ZZEF1: variants seen among roughly 807,000 people sequenced by gnomAD.
ZZEF1 encodes the protein zinc finger ZZ-type and EF-hand domain containing 1, also known as zinc finger ZZ-type and EF-hand domain-containing protein 1.
ZZEF1 carries 157 observed loss-of-function variants against 342.8 expected under a neutral mutation model. The ratio of observed to expected loss-of-function variants is 0.46; its 90% CI spans 0.40 to 0.52. The LOEUF is 0.52. ZZEF1 is among the 20% of genes least tolerant of loss of function. ZZEF1 has a pLI of 0.00. For synonymous variants in ZZEF1, 1,505 were observed against 1,429.1 expected (o/e 1.05, Z -1.20); for missense variants, 3,480 against 3,725.6 (o/e 0.93, Z 1.72).
In ZZEF1 at chr17:4,022,822, C is replaced by T. The variant is rs781625197; in HGVS notation, c.7099G>A (p.Gly2367Ser). 4.3e-6 allele frequency: 7 copies of T among 1,613,516 alleles called. No homozygotes were observed. The Admixed American group carries it at 5.0e-5, about 12-fold the overall frequency. The stretch of plus-strand genomic sequence containing the variant: ...AAAGTAGCACGGATCTCCTCAAAAC[C>T]GTGAGCCTGCCAAGCAGAAGAAGAA... The part of the protein sequence containing the change: ...KGLYKTLKAH[G>S]FEEIRATFLQ... Residue 2367 changes from glycine to serine, a missense_variant, in exon 44 of 55, where the codon GGT becomes AGT. Physicochemically the swap from Gly to Ser is moderately conservative, Grantham distance 56. Transcript: ENST00000381638.
At chr17:4,082,369 G>T (rs1427542969) in intron 17 of ZZEF1, 68 bp downstream of exon 17, 2 of 1,510,462 alleles carry the variant, frequency 1.3e-6, no homozygotes, top group Non-Finnish European at 1.8e-6. Flanking sequence ...GAAAGGAAGG[G>T]CAAGCTCAAG....
At chr17:4,093,111 G>A (rs2057974648) in intron 11 of ZZEF1, among the ~76,000 whole-genome samples, 2 of 151,814 alleles carry the variant, frequency 1.3e-5, no homozygotes, top group Admixed American at 1.3e-4. Flanking sequence ...AGGGAGTGGT[G>A]AATAGGCCTC....
chr17:4,140,869 T>C (rs1288462945), intron 1 of ZZEF1, among the ~76,000 whole-genome samples: 1 of 150,298 alleles, frequency 6.7e-6, no homozygotes, highest in Non-Finnish European at 1.5e-5. Flanking sequence ...TGTGTATTCC[T>C]GGGGGGAAAA....
chr17:4,142,686 C>G lies in ZZEF1; in HGVS notation c.210G>C (p.Glu70Asp), dbSNP rs2058883922. The G allele has an allele frequency of 6.2e-7, 1 of 1,606,576 alleles. No individual in the cohort carries two copies. Among genetic ancestry groups the G allele is most frequent in the East Asian group, 2.2e-5 (1 of 44,836 alleles). Residue 70 changes from glutamate to aspartate, a missense_variant, in exon 1 of 55, where the codon GAG (glutamate) becomes GAC (aspartate). By Grantham distance (45) the Glu-to-Asp change is conservative. Transcript: ENST00000381638. The stretch of plus-strand genomic sequence containing the variant: ...CGCCGCGATGCCTCGACACCAGCGA[C>G]TCGCAGGGGGGTGTGGGCAGCAACG... ...AAALLPTPPC[E>D]SLVSRHRGAL...
Position 4,109,640 on chromosome 17 carries a change from G to A in ZZEF1, c.1277+13C>T. The A allele has an allele frequency of 1.2e-6, 2 of 1,613,786 alleles. No homozygotes were observed. Among genetic ancestry groups the A allele is most frequent in the East Asian group, 2.2e-5 (1 of 44,884 alleles). ...CATGTTGAGGGGGCTGGAACATAGA[G>A]AGAATGACTTACTGAGTATTGTGCA... On this transcript the variant is annotated intron_variant, in intron 6 of 54. Transcript: ENST00000381638.
rs754401691 is a variant in ZZEF1, at chr17:4,014,490, A to G, written c.8171T>C (p.Ile2724Thr). ...FEDKVHIPGAIYLSIKFDSQC... is the reference protein window; with the variant it reads ...FEDKVHIPGATYLSIKFDSQC... Reference sequence around the variant, plus strand: ...AGAGTCGAATTTGATTGAGAGGTAGATGGCACCAGGAATGTGAACTTTATC... The same window carrying G: ...AGAGTCGAATTTGATTGAGAGGTAGGTGGCACCAGGAATGTGAACTTTATC... The change falls in exon 50 of 55, where the codon ATC (isoleucine) becomes ACC (threonine). Residue 2724 changes from isoleucine to threonine, a missense_variant. Ile to Thr is a moderately conservative substitution (Grantham distance 89). Transcript: ENST00000381638. The surrounding 1 kb of genome is among the most constrained non-coding windows in gnomAD (Gnocchi z 4.4). 1 of 1,614,194 alleles carries G rather than the reference A, an allele frequency of 6.2e-7. No homozygotes were observed. The highest frequency in any genetic ancestry group is 1.7e-5 in the Admixed American group (1 of 60,014).
intron 26 of ZZEF1, 83 bp from the exon 27 acceptor site, chr17:4,067,325 G>C: frequency 8.9e-7 from 1 of 1,122,458 alleles, no homozygotes. Context: ...ATCTAAATCT[G>C]CTGAAGTACA....
At chr17:4,022,521 C>G in intron 44 of ZZEF1, 188 bp downstream of exon 44, 1 of 678,810 alleles carries the variant, frequency 1.5e-6, no homozygotes, top group Non-Finnish European at 2.4e-6. Context: ...ATTCATTTTC[C>G]CTGACAGGGG....
chr17:4,009,037 C>A, intron 53 of ZZEF1, 83 bp from the exon 54 acceptor site: 1 of 1,477,898 alleles, frequency 6.8e-7, no homozygotes, highest in South Asian at 1.2e-5. Context: ...CACCTGCTTG[C>A]GAAAGCAGAA....
At chr17:4,124,387 A>G (rs11651317) in intron 1 of ZZEF1, among the ~76,000 whole-genome samples, 139,418 of 152,268 alleles carry the variant, frequency 0.92, 65,119 homozygotes, top group East Asian at 1. Context: ...AACTGGTTGC[A>G]AAGTGCCAGA....
At chr17:4,056,776 C>T (rs2057170197) in intron 32 of ZZEF1, 1 of 152,164 alleles carries the variant, frequency 6.6e-6, no homozygotes, top group South Asian at 2.1e-4. Flanking sequence ...TTCAGCTCTA[C>T]CACCAGCTGC....
intron 18 of ZZEF1, among the ~76,000 whole-genome samples, chr17:4,080,108 G>C (rs923060861): frequency 6.6e-6 from 1 of 152,118 alleles, no homozygotes; most frequent in Non-Finnish European, 1.5e-5. Flanking sequence ...CCTATCCCTA[G>C]AGATCTTGAA....
In ZZEF1 at chr17:4,006,804, T is replaced by C. The variant is rs1597740760; in HGVS notation, c.*86A>G. The stretch of plus-strand genomic sequence containing the variant: ...CTCAAGGAGAGCTGGGCACTGGCGC[T>C]ACAGGAGTTTTCCTGAATGAGGTTA... On this transcript the variant is annotated 3_prime_UTR_variant, in exon 55 of 55. Transcript: ENST00000381638. 2 of 1,421,102 alleles carry C rather than the reference T, an allele frequency of 1.4e-6. No homozygotes were observed. Among genetic ancestry groups the C allele is most frequent in the East Asian group, 5.0e-5 (2 of 40,328 alleles). The allele number at this position is 1,421,102 out of a possible 1,614,324, so 88.0% of individuals were successfully genotyped here. A position where few individuals can be genotyped will look rare whatever the true frequency, so the allele number is the denominator to read the frequency against.
intron 2 of ZZEF1, among the ~76,000 whole-genome samples, chr17:4,120,373 T>A (rs12452569): frequency 0.17 from 25,217 of 149,306 alleles, 2,142 homozygotes; most frequent in East Asian, 0.18. Context: ...AAAAAAAAAA[T>A]GTTCCTTTAG....
At chr17:4,080,893 G>A (rs951043506) in intron 18 of ZZEF1, among the ~76,000 whole-genome samples, 12 of 152,146 alleles carry the variant, frequency 7.9e-5, no homozygotes, top group African/African-American at 2.2e-4. Context: ...TCACTCGTTT[G>A]CAAGGGCTGG....
Position 4,064,639 on chromosome 17 carries a change from T to C in ZZEF1, c.4440A>G (p.Ala1480=), listed in dbSNP as rs1262068353. 6 of 1,613,982 alleles carry C rather than the reference T, an allele frequency of 3.7e-6. No homozygotes were observed. The East Asian group carries it at 1.1e-4, about 30-fold the overall frequency. ...FQASVSPTEA[A]PPATGDQSPG... ...GACTCTGGTCTCCTGTGGCAGGGGG[T>C]GCGGCTTCAGTGGGAGATACTGAGG... is the stretch of plus-strand genomic sequence containing the variant. Residue 1480 remains alanine, a synonymous_variant, in exon 29 of 55, where the codon GCA becomes GCG. Transcript: ENST00000381638.
intron 42 of ZZEF1, among the ~76,000 whole-genome samples, chr17:4,029,630 C>T (rs2056493270): frequency 6.6e-6 from 1 of 152,094 alleles, no homozygotes; most frequent in African/African-American, 2.4e-5. Context: ...AATCCCAGCA[C>T]TTTGGAAGGC....
Position 4,017,158 on chromosome 17 carries a change from G to T in ZZEF1, c.8001+213C>A. ...GGGAAGATGGCGACAAAGCTTTCTG[G>T]TTCAGCTGGAAATCGCGCTCAGGGC... is the stretch of plus-strand genomic sequence containing the variant. On this transcript the variant is annotated intron_variant, in intron 48 of 54. Coordinates refer to ENST00000381638, the MANE Select transcript of ZZEF1 (RefSeq NM_015113.4). This position sits in a 1 kb window ranked among gnomAD's most constrained non-coding sequence, Gnocchi z 5.1. 1.7e-6 allele frequency: 1 copy of T among 603,380 alleles called. No homozygotes were observed. The allele number at this position is 603,380 out of a possible 1,614,324, so 37.4% of individuals were successfully genotyped here. A position where few individuals can be genotyped will look rare whatever the true frequency, so the allele number is the denominator to read the frequency against.
chr17:4,036,286 T>G (rs1238202872), intron 39 of ZZEF1, among the ~76,000 whole-genome samples: 1 of 152,264 alleles, frequency 6.6e-6, no homozygotes, highest in East Asian at 1.9e-4. Flanking sequence ...CATGTGTGTG[T>G]GGGGTAAGTG....
Sources: allele counts gnomAD v4.1 joint callset (sites outside exome capture counted in the v4.1 genomes callset), GRCh38; gene constraint gnomAD v4.1.1; non-coding constraint Gnocchi (gnomAD v3.1); transcripts MANE v1.5; gene names NCBI Gene and HGNC (gene_info 2026-07-23, HGNC 2026-07-21).